MYOF: variants seen among roughly 807,000 people sequenced by gnomAD.
MYOF encodes myoferlin, also known as fer-1-like 3, myoferlin.
In MYOF, 244 loss-of-function variants were observed where a neutral mutation model predicts 284.2. That is an observed-to-expected ratio of 0.86 (90% CI 0.77 to 0.95). The LOEUF (loss-of-function observed/expected upper bound fraction) is 0.95. Ranked by LOEUF, MYOF falls within the 40% of genes least tolerant of loss-of-function variation. The pLI, the probability that MYOF is intolerant of heterozygous loss-of-function variation, is 0.00. For missense variants in MYOF, 2,496 were observed against 2,560.6 expected (o/e 0.97, Z 0.54); for synonymous variants, 904 against 919.7 (o/e 0.98, Z 0.31).
At chr10:93,319,033 G>T (rs1451465200) in intron 49 of MYOF, among the ~76,000 whole-genome samples, 1 of 152,168 alleles carries the variant, frequency 6.6e-6, no homozygotes, top group Non-Finnish European at 1.5e-5. Flanking sequence ...TAGAGAAGCT[G>T]CCTCTGTCAC....
In MYOF at chr10:93,397,382, TCAAAC is replaced by T; in HGVS notation, c.1290+1_1290+5del. On this transcript the variant is annotated splice_donor_variant and splice_donor_5th_base_variant and intron_variant, in intron 14 of 53. Transcript: ENST00000359263. LOFTEE classifies it high-confidence loss of function. ...TTACTTTTTCAGAAAGAAAATAAAG[TCAAAC>T]CTTGATCTGAAGATTGACGACCTGA... 1 of 1,610,726 alleles carries T rather than the reference TCAAAC, an allele frequency of 6.2e-7. No homozygotes were observed. The highest frequency in any genetic ancestry group is 8.5e-7 in the Non-Finnish European group (1 of 1,178,704).
At chr10:93,457,009 T>C in intron 1 of MYOF, 72 bp from the exon 2 acceptor site, 2 of 1,132,138 alleles carry the variant, frequency 1.8e-6, no homozygotes, top group South Asian at 1.4e-5. Context: ...ATTCATTTAT[T>C]CTAAGAACAT....
In MYOF at chr10:93,310,110, G is replaced by A. The variant is rs200914729; in HGVS notation, c.6057C>T (p.Ile2019=). 1.3e-4 allele frequency: 214 copies of A among 1,614,150 alleles called. No homozygotes were observed. The highest frequency in any genetic ancestry group is 1.6e-4 in the Non-Finnish European group (191 of 1,180,028). The part of the protein sequence containing the change: ...FTNPCKTMKF[I]VWRRFKWVII... ...TGACCCACTTAAAGCGGCGCCACAC[G>A]ATGAACTTCATGGTCTTGCATGGGT... Residue 2019 remains isoleucine, a synonymous_variant, in exon 53 of 54, where the codon ATC becomes ATT. Transcript: ENST00000359263.
intron 3 of MYOF, among the ~76,000 whole-genome samples, chr10:93,436,447 G>A (rs1409913024): frequency 6.6e-6 from 1 of 151,688 alleles, no homozygotes; most frequent in Admixed American, 6.6e-5. Context: ...TGCTTTTGTA[G>A]GGGGGACACA....
chr10:93,463,372 T>C (rs2134354438), intron 1 of MYOF, among the ~76,000 whole-genome samples: 1 of 149,890 alleles, frequency 6.7e-6, no homozygotes, highest in East Asian at 2.0e-4. Context: ...CTGGGCAACA[T>C]AGTGAGACTT....
At chr10:93,365,805 G>T (rs1845298752) in intron 26 of MYOF, among the ~76,000 whole-genome samples, 1 of 152,140 alleles carries the variant, frequency 6.6e-6, no homozygotes, top group Non-Finnish European at 1.5e-5. Flanking sequence ...GCACAGCAAA[G>T]GGCCAGCCTG....
At chr10:93,408,139 T>C (rs1847705012) in intron 7 of MYOF, among the ~76,000 whole-genome samples, 1 of 152,130 alleles carries the variant, frequency 6.6e-6, no homozygotes, top group Non-Finnish European at 1.5e-5. Context: ...CTCTTGAGTG[T>C]TGGGATTACA....
At chr10:93,479,289 G>C (rs1564749110) in intron 1 of MYOF, among the ~76,000 whole-genome samples, 1 of 152,034 alleles carries the variant, frequency 6.6e-6, no homozygotes, top group East Asian at 1.9e-4. Context: ...TACAGGCATG[G>C]TAGGGCTTTT....
At chr10:93,361,631 G>C (rs992033438) in intron 27 of MYOF, 74 bp from the exon 28 acceptor site, 10 of 1,371,202 alleles carry the variant, frequency 7.3e-6, no homozygotes, top group Non-Finnish European at 1.0e-5. Context: ...GTCCAATATA[G>C]TTCCTCATTT....
chr10:93,332,957 A>G (rs1843400949), intron 43 of MYOF, among the ~76,000 whole-genome samples: 1 of 152,138 alleles, frequency 6.6e-6, no homozygotes, highest in Admixed American at 6.5e-5. Context: ...TCCCCGGAAA[A>G]ACTCCAACTG....
chr10:93,477,274 C>T (rs2057283973), intron 1 of MYOF, among the ~76,000 whole-genome samples: 1 of 149,124 alleles, frequency 6.7e-6, no homozygotes, highest in African/African-American at 2.5e-5. Flanking sequence ...GGTGGATCAC[C>T]TGAGGTCAGG....
At chr10:93,318,075 G>T (rs1398227219) in intron 49 of MYOF, among the ~76,000 whole-genome samples, 1 of 152,088 alleles carries the variant, frequency 6.6e-6, no homozygotes, top group South Asian at 2.1e-4. Flanking sequence ...CATACCTAAA[G>T]CCCTGATCCC....
chr10:93,387,981 C>T, intron 18 of MYOF, 68 bp from the exon 19 acceptor site: 1 of 1,253,296 alleles, frequency 8.0e-7, no homozygotes, highest in South Asian at 1.2e-5. Context: ...TGTCTCTAGT[C>T]AGGCTAATAC....
chr10:93,344,349 T>TA (rs1844070894), intron 37 of MYOF, among the ~76,000 whole-genome samples: 1 of 152,262 alleles, frequency 6.6e-6, no homozygotes, highest in African/African-American at 2.4e-5. Context: ...TCTGAGATTG[T>TA]AGTGCACCTG....
At chr10:93,428,395 G>A (rs1848691229) in intron 4 of MYOF, among the ~76,000 whole-genome samples, 1 of 151,132 alleles carries the variant, frequency 6.6e-6, no homozygotes, top group East Asian at 1.9e-4. Flanking sequence ...TAATAGAGAC[G>A]GGGTTTCACC....
At chr10:93,366,667 G>GA in intron 25 of MYOF, 112 bp from the exon 26 acceptor site, 3 of 890,726 alleles carry the variant, frequency 3.4e-6, no homozygotes, top group South Asian at 3.6e-5. Context: ...ACAGAAAGCA[G>GA]AAAAAAGCTT....
At chr10:93,452,166 A>G (rs775194103) in intron 2 of MYOF, 25 bp from the exon 3 acceptor site, 1 of 1,521,620 alleles carries the variant, frequency 6.6e-7, no homozygotes, top group Non-Finnish European at 9.0e-7. Flanking sequence ...GTTTTGAAAA[A>G]AGAGAAAAAA....
intron 5 of MYOF, among the ~76,000 whole-genome samples, chr10:93,412,539 A>G (rs759642841): frequency 7.9e-5 from 12 of 151,986 alleles, no homozygotes; most frequent in Admixed American, 5.9e-4. Flanking sequence ...TTCCAGATGG[A>G]GTTAGTCCCG....
intron 37 of MYOF, among the ~76,000 whole-genome samples, chr10:93,346,879 T>C (rs890340965): frequency 1.3e-5 from 2 of 152,182 alleles, no homozygotes; most frequent in African/African-American, 2.4e-5. Context: ...AGTCAGTGAG[T>C]GCTTCCTAAC....
Sources: allele counts gnomAD v4.1 joint callset (sites outside exome capture counted in the v4.1 genomes callset), GRCh38; gene constraint gnomAD v4.1.1; transcripts MANE v1.5; gene names NCBI Gene and HGNC (gene_info 2026-07-23, HGNC 2026-07-21).